ST8SIA1: variants seen among roughly 807,000 people sequenced by gnomAD.
ST8SIA1 encodes alpha-N-acetylneuraminide alpha-2,8-sialyltransferase.
Under a neutral mutation model 35.9 loss-of-function variants are expected in ST8SIA1, and 16 were observed. The observed-to-expected ratio is 0.45, with a 90% CI of 0.30 to 0.68. ST8SIA1 has a LOEUF of 0.68. Among genes scored for constraint, ST8SIA1 ranks in the 30% least tolerant of loss-of-function variants. The pLI is 0.09. For synonymous variants in ST8SIA1, 170 were observed against 169.6 expected (o/e 1.00, Z -0.02); for missense variants, 383 against 453.6 (o/e 0.84, Z 1.41).
chr12:22,315,851 T>A (rs1345330337), intron 1 of ST8SIA1, among the ~76,000 whole-genome samples: 1 of 151,330 alleles, frequency 6.6e-6, no homozygotes, highest in Non-Finnish European at 1.5e-5. Flanking sequence ...CAAAAGTCCA[T>A]CGGGATAAAC....
chr12:22,295,656 C>A (rs1866234944), intron 1 of ST8SIA1, among the ~76,000 whole-genome samples: 1 of 152,014 alleles, frequency 6.6e-6, no homozygotes, highest in African/African-American at 2.4e-5. Flanking sequence ...TGCTTGAGCC[C>A]AGGAGTTCAA....
chr12:22,203,683 CT>C (rs750141060), intron 4 of ST8SIA1, among the ~76,000 whole-genome samples: 12 of 152,140 alleles, frequency 7.9e-5, no homozygotes, highest in Non-Finnish European at 1.5e-4. Context: ...ATATCTGGAG[CT>C]GGGCCAGCCT....
rs567171397 is a variant in ST8SIA1 at position 22,244,207 on chromosome 12, T to C, written c.584+4799A>G. ...CATCACTTAGCATACTCTTTTCTTA[T>C]GTTTTTAGTAAAGTATATCTATTGA... is the stretch of plus-strand genomic sequence containing the variant. On this transcript the variant is annotated intron_variant, in intron 4 of 4. Coordinates refer to ENST00000396037, the MANE Select transcript of ST8SIA1 (RefSeq NM_003034.4). Among the ~76,000 whole-genome samples, 17 of 152,232 alleles carry C rather than the reference T, an allele frequency of 1.1e-4. 1 individual carries two copies. In the East Asian group the frequency reaches 2.9e-3, roughly 26 times the overall value.
chr12:22,246,254 C>T (rs572180468), intron 4 of ST8SIA1, among the ~76,000 whole-genome samples: 80 of 152,212 alleles, frequency 5.3e-4, no homozygotes, highest in African/African-American at 1.7e-3. Flanking sequence ...GGAGATACCC[C>T]GCTGGTGTCT....
chr12:22,249,202 G>GTAAC, intron 3 of ST8SIA1, 104 bp from the exon 4 acceptor site: 1 of 679,194 alleles, frequency 1.5e-6, no homozygotes, highest in Non-Finnish European at 2.5e-6. Context: ...GAATTCACGA[G>GTAAC]TAACTGTTTT....
At chr12:22,324,083 A>G (rs1217649491) in intron 1 of ST8SIA1, among the ~76,000 whole-genome samples, 1 of 152,250 alleles carries the variant, frequency 6.6e-6, no homozygotes, top group Non-Finnish European at 1.5e-5. Context: ...TGACAGTGTT[A>G]TTCATGATCA....
chr12:22,269,180 T>C (rs764071232), intron 2 of ST8SIA1, among the ~76,000 whole-genome samples: 5 of 152,138 alleles, frequency 3.3e-5, no homozygotes, highest in African/African-American at 1.2e-4. Context: ...ATACATGCTT[T>C]AGGGAATTTT....
chr12:22,217,301 T>C (rs927049253), intron 4 of ST8SIA1, among the ~76,000 whole-genome samples: 28 of 152,216 alleles, frequency 1.8e-4, no homozygotes, highest in African/African-American at 6.3e-4. Context: ...TAAAAACAGA[T>C]ATTAATTTAT....
chr12:22,262,363 C>T (rs1031496692), intron 2 of ST8SIA1, among the ~76,000 whole-genome samples: 1 of 152,098 alleles, frequency 6.6e-6, no homozygotes. Flanking sequence ...TTTCAAAGCC[C>T]GAAGCCCACC....
intron 3 of ST8SIA1, among the ~76,000 whole-genome samples, chr12:22,253,464 T>C (rs1211849992): frequency 6.6e-6 from 1 of 152,174 alleles, no homozygotes; most frequent in Non-Finnish European, 1.5e-5. Flanking sequence ...CTTGGACTCT[T>C]GGGAAAGGTT....
intron 2 of ST8SIA1, among the ~76,000 whole-genome samples, chr12:22,283,878 G>T (rs565337381): frequency 6.6e-6 from 1 of 152,282 alleles, no homozygotes; most frequent in East Asian, 1.9e-4. Context: ...ATGGTACTGA[G>T]ATAGCAGATA....
chr12:22,315,600 C>T (rs1866508391), intron 1 of ST8SIA1, among the ~76,000 whole-genome samples: 1 of 151,998 alleles, frequency 6.6e-6, no homozygotes, highest in South Asian at 2.1e-4. Context: ...AAGCATCTCA[C>T]AGTGAGCTGT....
intron 1 of ST8SIA1, among the ~76,000 whole-genome samples, chr12:22,322,371 A>G (rs1186550743): frequency 6.6e-6 from 1 of 152,220 alleles, no homozygotes; most frequent in East Asian, 1.9e-4. Context: ...CCTGGCACAT[A>G]GAAGGCATCG....
In ST8SIA1 at chr12:22,222,613, C is replaced by CAT. The variant is rs754270561; in HGVS notation, c.585-20577_585-20576dup. ...TATTGACAGTTAACTAGAAAAAGAC[C>CAT]ATATATATATATATACACATATACA... On this transcript the variant is annotated intron_variant, in intron 4 of 4. Transcript: ENST00000396037. 6.4e-3 allele frequency among the ~76,000 whole-genome samples: 965 copies of CAT among 149,686 alleles called. 12 individuals are homozygous for CAT. Among genetic ancestry groups the CAT allele is most frequent in the African/African-American group, 0.019 (798 of 40,960 alleles).
chr12:22,287,421 A>C, intron 1 of ST8SIA1, 128 bp from the exon 2 acceptor site: 1 of 832,784 alleles, frequency 1.2e-6, no homozygotes, highest in Non-Finnish European at 1.8e-6. Flanking sequence ...TAGCATCTCC[A>C]GGGTGATTAG....
chr12:22,268,429 A>G (rs1865872299), intron 2 of ST8SIA1: 1 of 152,244 alleles, frequency 6.6e-6, no homozygotes, highest in Non-Finnish European at 1.5e-5. Context: ...ACATGGCCAA[A>G]TGTATTAGTC....
intron 4 of ST8SIA1, among the ~76,000 whole-genome samples, chr12:22,232,420 T>C (rs1350388808): frequency 1.3e-5 from 2 of 152,056 alleles, no homozygotes; most frequent in Admixed American, 6.6e-5. Flanking sequence ...GCTGAGCAAA[T>C]GAAAAATGGA....
intron 4 of ST8SIA1, among the ~76,000 whole-genome samples, chr12:22,234,686 A>C (rs1197723475): frequency 6.6e-6 from 1 of 152,212 alleles, no homozygotes; most frequent in African/African-American, 2.4e-5. Flanking sequence ...TGTGCAGTAC[A>C]ACAATGTGCA....
chr12:22,241,598 A>ATTTTTTT (rs71053392), intron 4 of ST8SIA1, among the ~76,000 whole-genome samples: 2 of 104,350 alleles, frequency 1.9e-5, no homozygotes, highest in African/African-American at 7.2e-5. Context: ...AGACTCCGGT[A>ATTTTTTT]TTTTTTTTTT....
Sources: allele counts gnomAD v4.1 joint callset (sites outside exome capture counted in the v4.1 genomes callset), GRCh38; gene constraint gnomAD v4.1.1; transcripts MANE v1.5; gene names NCBI Gene and HGNC (gene_info 2026-07-23, HGNC 2026-07-21).